HTR2A: variants seen among roughly 807,000 people sequenced by gnomAD.
The protein encoded by HTR2A is 5-HT2 receptor.
In HTR2A, 14 loss-of-function variants were observed where a neutral mutation model predicts 31.0. The ratio of observed to expected loss-of-function variants is 0.45; its 90% confidence interval spans 0.30 to 0.71. HTR2A has a LOEUF of 0.71. HTR2A is among the 30% of genes least tolerant of loss of function. The pLI is 0.09. For synonymous variants in HTR2A, 209 were observed against 225.2 expected (o/e 0.93, Z 0.64); for missense variants, 442 against 573.3 (o/e 0.77, Z 2.34).
At chr13:46,840,381 A>T (rs1021887134) in intron 3 of HTR2A, among the ~76,000 whole-genome samples, 1 of 152,210 alleles carries the variant, frequency 6.6e-6, no homozygotes, top group Non-Finnish European at 1.5e-5. Context: ...CATGTCAGTT[A>T]CCCAAAAGCT....
rs1566322777 is a variant in HTR2A at position 46,895,413 on chromosome 13, T to C, written c.412+82A>G. The C allele has an allele frequency of 2.4e-5, 31 of 1,296,688 alleles. No homozygotes were observed. The East Asian group carries it at 7.2e-4, about 30-fold the overall frequency. 80.3% of individuals were successfully genotyped at this position (1,296,688 alleles called of 1,614,324 possible). On this transcript the variant is annotated intron_variant, in intron 2 of 3. Transcript: ENST00000542664. This position sits in a 1 kb window ranked among gnomAD's most constrained non-coding sequence, Gnocchi z 4.4. ...TTCTATTTATAGTTTGTTTGCCCCC[T>C]GAGCCCCATCTCATCTGCTGGTGGC...
chr13:46,854,966 G>A (rs1463464694), intron 3 of HTR2A, among the ~76,000 whole-genome samples: 1 of 152,190 alleles, frequency 6.6e-6, no homozygotes, highest in Non-Finnish European at 1.5e-5. Flanking sequence ...GAAAAAATTT[G>A]GACGTGGACA....
chr13:46,879,626 C>T (rs1230566583), intron 3 of HTR2A, among the ~76,000 whole-genome samples: 1 of 152,166 alleles, frequency 6.6e-6, no homozygotes, highest in African/African-American at 2.4e-5. Context: ...GCATGATGGT[C>T]TTTTCTTGGG....
In HTR2A at chr13:46,895,688, T is replaced by C. The variant is rs902621383; in HGVS notation, c.219A>G (p.Glu73=). Residue 73 remains glutamate, a synonymous_variant, in exon 2 of 4, where the codon GAA becomes GAG. Coordinates refer to ENST00000542664, the MANE Select transcript of HTR2A (RefSeq NM_000621.5). The surrounding 1 kb of genome is among the most constrained non-coding windows in gnomAD (Gnocchi z 4.4). ...CTGTCAGTAAAGCAGACCAGTTTTT[T>C]TCCTGGAGATGAAGTAAGGAGAGAC... ...PSCLSLLHLQ[E]KNWSALLTAV... The C allele has an allele frequency of 5.0e-6, 8 of 1,614,042 alleles. No homozygotes were observed. In the African/African-American group the frequency reaches 6.7e-5, roughly 13 times the overall value.
intron 2 of HTR2A, among the ~76,000 whole-genome samples, chr13:46,892,812 G>A (rs1030192518): frequency 2.0e-5 from 3 of 152,226 alleles, no homozygotes; most frequent in Admixed American, 6.5e-5. Context: ...CTAGTGTCTG[G>A]AGTTATGTGA....
intron 3 of HTR2A, among the ~76,000 whole-genome samples, chr13:46,871,507 G>T (rs1391679631): frequency 6.6e-6 from 1 of 152,056 alleles, no homozygotes; most frequent in Non-Finnish European, 1.5e-5. Context: ...ATCCATAGTG[G>T]AAAAAGAAAA....
chr13:46,849,175 A>T (rs547172519), intron 3 of HTR2A, among the ~76,000 whole-genome samples: 1 of 152,302 alleles, frequency 6.6e-6, no homozygotes, highest in African/African-American at 2.4e-5. Context: ...AAAACTTAGG[A>T]GTCTCTTTCC....
intron 3 of HTR2A, among the ~76,000 whole-genome samples, chr13:46,878,126 G>C (rs1007405630): frequency 6.6e-6 from 1 of 152,144 alleles, no homozygotes; most frequent in Non-Finnish European, 1.5e-5. Context: ...TGTTTCATAT[G>C]GCTCACTTCA....
chr13:46,879,920 G>A (rs1374686447), intron 3 of HTR2A, among the ~76,000 whole-genome samples: 1 of 152,092 alleles, frequency 6.6e-6, no homozygotes, highest in Non-Finnish European at 1.5e-5. Context: ...TGGGAGGATC[G>A]CTTGAGCATG....
chr13:46,842,827 CAT>C (rs1166115406), intron 3 of HTR2A, among the ~76,000 whole-genome samples: 2 of 152,214 alleles, frequency 1.3e-5, no homozygotes, highest in African/African-American at 4.8e-5. Context: ...TGCCTCCTCT[CAT>C]ATATGTCTTC....
At position 46,895,826 on chromosome 13, in the gene HTR2A, G is replaced by C. The variant is rs139775104; in HGVS notation, c.81C>G (p.Leu27=). The C allele has an allele frequency of 1.2e-6, 2 of 1,613,988 alleles. No individual in the cohort carries two copies. Among genetic ancestry groups the C allele is most frequent in the African/African-American group, 2.7e-5 (2 of 74,906 alleles). Residue 27 remains leucine (L), a synonymous_variant, in exon 2 of 4, where the codon CTC becomes CTG. Coordinates refer to ENST00000542664, the MANE Select transcript of HTR2A (RefSeq NM_000621.5). This position sits in a 1 kb window ranked among gnomAD's most constrained non-coding sequence, Gnocchi z 4.4. ...CTCCGGAGTTAAAGTCATTACTGTA[G>C]AGCCTGGTGTCATCATTTAATTGCA... ...SLMQLNDDTR[L]YSNDFNSGEA...
At chr13:46,882,229 T>TTA (rs1555299704) in intron 3 of HTR2A, among the ~76,000 whole-genome samples, 1 of 148,652 alleles carries the variant, frequency 6.7e-6, no homozygotes. Context: ...TCAGGGAAGT[T>TTA]AAAAAAAAAA....
intron 3 of HTR2A, among the ~76,000 whole-genome samples, chr13:46,849,180 C>T (rs1282011617): frequency 6.6e-6 from 1 of 152,238 alleles, no homozygotes; most frequent in African/African-American, 2.4e-5. Flanking sequence ...TTAGGAGTCT[C>T]TTTCCATTAT....
intron 3 of HTR2A, among the ~76,000 whole-genome samples, chr13:46,887,346 C>T (rs1951014651): frequency 6.8e-6 from 1 of 147,550 alleles, no homozygotes; most frequent in African/African-American, 2.5e-5. Flanking sequence ...TGGCGTGAAC[C>T]CAGGAGGTGG....
intron 3 of HTR2A, among the ~76,000 whole-genome samples, chr13:46,874,190 G>A (rs1275198943): frequency 6.6e-6 from 1 of 152,036 alleles, no homozygotes; most frequent in African/African-American, 2.4e-5. Context: ...TCTTAGCTTC[G>A]GTCTTGCCAA....
chr13:46,897,755 G>A (rs1328685), upstream of HTR2A, among the ~76,000 whole-genome samples: 131,753 of 152,178 alleles, frequency 0.87, 57,332 homozygotes, highest in East Asian at 0.96. Context: ...CATTCTCCCT[G>A]GACAAATTCA....
In HTR2A at chr13:46,878,460, C is replaced by T. The variant is rs541034705; in HGVS notation, c.613+13930G>A. 7.2e-5 allele frequency among the ~76,000 whole-genome samples: 11 copies of T among 152,078 alleles called. No homozygotes were observed. The South Asian group carries it at 1.9e-3, about 26-fold the overall frequency. ...AAGCAGCCACAGGGTACTTGGATGC[C>T]GGGGGTTGAAGCCCTGGGAAGCACT... On this transcript the variant is annotated intron_variant, in intron 3 of 3. Transcript: ENST00000542664.
At chr13:46,868,470 A>G (rs1005169377) in intron 3 of HTR2A, among the ~76,000 whole-genome samples, 4 of 152,242 alleles carry the variant, frequency 2.6e-5, no homozygotes, top group African/African-American at 9.6e-5. Flanking sequence ...CTCCAACTCA[A>G]GGAACTGTGT....
chr13:46,835,098 C>A lies in HTR2A; in HGVS notation c.1155G>T (p.Lys385Asn). 6.2e-7 allele frequency: 1 copy of A among 1,614,070 alleles called. No homozygotes were observed. The highest frequency in any genetic ancestry group is 1.1e-5 in the South Asian group (1 of 91,076). Residue 385 changes from lysine to asparagine, a missense_variant, in exon 4 of 4, where the codon AAG becomes AAT. Lys to Asn is a moderately conservative substitution (Grantham distance 94, BLOSUM62 0). Around this residue, in one of 5 missense-constraint regions of HTR2A, gnomAD observed 11 missense variants for 31.3 expected, o/e 0.35. Coordinates refer to ENST00000542664, the MANE Select transcript of HTR2A (RefSeq NM_000621.5). ...ACCGTGAAAAGGCTGACCTATAGGTCTTGTTGAACAGTGTGTAGACTAGTG... is the reference window on the plus strand; with the variant it reads ...ACCGTGAAAAGGCTGACCTATAGGTATTGTTGAACAGTGTGTAGACTAGTG... ...VNPLVYTLFN[K>N]TYRSAFSRYI...
Sources: allele counts gnomAD v4.1 joint callset (sites outside exome capture counted in the v4.1 genomes callset), GRCh38; gene constraint gnomAD v4.1.1; regional missense constraint gnomAD v4.1.1; non-coding constraint Gnocchi (gnomAD v3.1); transcripts MANE v1.5; gene names NCBI Gene and HGNC (gene_info 2026-07-23, HGNC 2026-07-21).